TUBB8: variants seen among roughly 807,000 people sequenced by gnomAD.
The protein encoded by TUBB8 is tubulin beta 8 class VIII, also known as tubulin beta-8 chain.
TUBB8 carries 25 observed loss-of-function variants against 33.7 expected under a neutral mutation model. That is an observed-to-expected ratio of 0.74 (90% CI 0.54 to 1.04). The LOEUF (loss-of-function observed/expected upper bound fraction) is 1.04, where lower values mean the gene tolerates loss of function less well. Among genes scored for constraint, TUBB8 ranks in the 50% least tolerant of loss-of-function variants. The pLI, the probability that TUBB8 is intolerant of heterozygous loss-of-function variation, is 0.00. For missense variants in TUBB8, 279 were observed against 608.0 expected (o/e 0.46, Z 5.69); for synonymous variants, 245 against 240.1 (o/e 1.02, Z -0.19).
intron 1 of TUBB8, among the ~76,000 whole-genome samples, chr10:62,165 C>T (rs1321545198): frequency 6.6e-6 from 1 of 152,076 alleles, no homozygotes; most frequent in Non-Finnish European, 1.5e-5. Flanking sequence ...GTCCTCTCAT[C>T]GTTCTTTTCT....
At chr10:57,509 A>C (rs1554740305) in intron 1 of TUBB8, among the ~76,000 whole-genome samples, 1 of 152,166 alleles carries the variant, frequency 6.6e-6, no homozygotes, top group Non-Finnish European at 1.5e-5. Flanking sequence ...CCAAGTCTCA[A>C]CTCTTGCATT....
chr10:65,398 A>G (rs1834657921), intron 1 of TUBB8, among the ~76,000 whole-genome samples: 1 of 152,258 alleles, frequency 6.6e-6, no homozygotes, highest in African/African-American at 2.4e-5. Context: ...ACAGAAAGGT[A>G]CAGATCAATG....
At chr10:49,303 G>A, upstream of TUBB8, 3 of 1,516,056 alleles carry the variant, frequency 2.0e-6, no homozygotes, top group Non-Finnish European at 1.8e-6. Context: ...CAGCGACCCA[G>A]CCCGCCCTCC....
chr10:62,928 T>G (rs1554741090), intron 1 of TUBB8, among the ~76,000 whole-genome samples: 1 of 152,220 alleles, frequency 6.6e-6, no homozygotes. Flanking sequence ...TTCTTTATCC[T>G]TAACCTTTGG....
Position 47,363 on chromosome 10 carries a change from G to C in TUBB8, c.1029C>G (p.Asp343Glu). 4.3e-6 allele frequency: 7 copies of C among 1,613,034 alleles called. No individual in the cohort carries two copies. Among genetic ancestry groups the C allele is most frequent in the Non-Finnish European group, 5.9e-6 (7 of 1,179,966 alleles). The change falls in exon 4 of 4, where the codon GAC becomes GAG. Residue 343 changes from aspartate to glutamate, a missense_variant. Physicochemically the swap from Asp to Glu is conservative, Grantham distance 45. This residue lies in a region of TUBB8 where 123 missense variants were observed against 228.9 expected (regional missense o/e 0.54). Coordinates refer to ENST00000568584, the MANE Select transcript of TUBB8 (RefSeq NM_177987.3). ...CTGTTTTTACGTTGTTGGGGAGCCA[G>C]TCAGCAAAGTAACTGCTGTTCTTAT... ...IQDKNSSYFA[D>E]WLPNNVKTAV...
upstream of TUBB8, among the ~76,000 whole-genome samples, chr10:75,587 G>A (rs1258455167): frequency 3.4e-5 from 5 of 147,458 alleles, no homozygotes; most frequent in Admixed American, 2.0e-4. Context: ...CCCGGGAGGC[G>A]GAGGTTGCAG....
intron 1 of TUBB8, among the ~76,000 whole-genome samples, chr10:62,380 A>G (rs1588278506): frequency 6.7e-6 from 1 of 149,336 alleles, no homozygotes; most frequent in South Asian, 2.1e-4. Context: ...AGCAACTAAT[A>G]AAAACTCTAC....
chr10:75,677 AAAG>A (rs1554743101), upstream of TUBB8, among the ~76,000 whole-genome samples: 2 of 151,590 alleles, frequency 1.3e-5, no homozygotes, highest in East Asian at 1.9e-4. Flanking sequence ...AAAAAGACAA[AAAG>A]AAGATGGCCG....
In TUBB8 at chr10:49,175, T is replaced by C. The variant is rs1554739031; in HGVS notation, c.57+7A>G. On this transcript the variant is annotated splice_region_variant and intron_variant, in intron 1 of 3. Coordinates refer to ENST00000568584, the MANE Select transcript of TUBB8 (RefSeq NM_177987.3). ...CGGGCTAGGCCCTCAGAGCCCCGGC[T>C]GCCAACCTTGGCGCCGATCTGATTC... 6.4e-7 allele frequency: 1 copy of C among 1,569,254 alleles called. No homozygotes were observed. Among genetic ancestry groups the C allele is most frequent in the Non-Finnish European group, 8.6e-7 (1 of 1,158,128 alleles).
At chr10:53,577 A>C (rs1834494242), upstream of TUBB8, among the ~76,000 whole-genome samples, 3 of 152,356 alleles carry the variant, frequency 2.0e-5, no homozygotes, top group African/African-American at 7.2e-5. Context: ...AAACAAATTT[A>C]GTAAGGCCAT....
chr10:71,375 G>A (rs1834734426), intron 1 of TUBB8, among the ~76,000 whole-genome samples: 1 of 152,108 alleles, frequency 6.6e-6, no homozygotes, highest in Non-Finnish European at 1.5e-5. Context: ...GCTCACACCT[G>A]TAATCCCCAG....
rs1554738072 is a variant in TUBB8 at position 47,413 on chromosome 10, C to T, written c.979G>A (p.Asp327Asn). Residue 327 changes from aspartate (D) to asparagine (N), a missense_variant, in exon 4 of 4, where the codon GAT becomes AAT. Coordinates refer to ENST00000568584, the MANE Select transcript of TUBB8 (RefSeq NM_177987.3). ...TCTTGAATGTTGAACATTTGTTCATCCACCTCCCTCATGGGCATGCGACCC... is the reference window on the plus strand; with the variant it reads ...TCTTGAATGTTGAACATTTGTTCATTCACCTCCCTCATGGGCATGCGACCC... ...FRGRMPMREVDEQMFNIQDKN... is the reference protein window; with the variant it reads ...FRGRMPMREVNEQMFNIQDKN... 1.2e-6 allele frequency: 2 copies of T among 1,612,454 alleles called. No individual in the cohort carries two copies.
At chr10:74,238 C>G (rs1834779367), upstream of TUBB8, 1 of 151,472 alleles carries the variant, frequency 6.6e-6, no homozygotes. Flanking sequence ...TCTGGGGAAT[C>G]TCTGGAAATC....
chr10:49,562 T>C, upstream of TUBB8: 1 of 570,364 alleles, frequency 1.8e-6, no homozygotes, highest in Non-Finnish European at 3.3e-6. Flanking sequence ...TTTCCTCCCA[T>C]GTGGGAGGGG....
At chr10:56,041 C>T (rs377437723) in intron 1 of TUBB8, among the ~76,000 whole-genome samples, 1 of 148,616 alleles carries the variant, frequency 6.7e-6, no homozygotes, top group East Asian at 1.9e-4. Context: ...TATTTTGATA[C>T]AGATGGCATG....
At chr10:65,650 G>A (rs1834661036) in intron 1 of TUBB8, among the ~76,000 whole-genome samples, 6 of 152,208 alleles carry the variant, frequency 3.9e-5, no homozygotes. Context: ...GCTTGAACCT[G>A]GGAGCCAGAG....
intron 3 of TUBB8, 26 bp downstream of exon 3, chr10:48,589 C>A: frequency 6.3e-7 from 1 of 1,592,134 alleles, no homozygotes. Context: ...TAAGGAGCCG[C>A]ACCCCAGTCC....
intron 1 of TUBB8, 93 bp downstream of exon 1, chr10:49,089 C>T (rs1371704063): frequency 5.0e-6 from 7 of 1,402,056 alleles, no homozygotes; most frequent in Non-Finnish European, 6.8e-6. Flanking sequence ...AGCCCAGGGG[C>T]CGCAATGCAT....
Position 47,816 on chromosome 10 carries a change from G to C in TUBB8, c.576C>G (p.Leu192=), listed in dbSNP as rs1299655891. ...PYNATLSVHQ[L]IENADETFCI... ...AAAAGGTCTCATCTGCGTTTTCTAT[G>C]AGCTGGTGGACTGAGAGGGTGGCGT... The change falls in exon 4 of 4, where the codon CTC becomes CTG. Residue 192 remains leucine (L), a synonymous_variant. Transcript: ENST00000568584. 6.2e-7 allele frequency: 1 copy of C among 1,614,246 alleles called. No homozygotes were observed. The highest frequency in any genetic ancestry group is 8.5e-7 in the Non-Finnish European group (1 of 1,180,048).
Sources: allele counts gnomAD v4.1 joint callset (sites outside exome capture counted in the v4.1 genomes callset), GRCh38; gene constraint gnomAD v4.1.1; regional missense constraint gnomAD v4.1.1; transcripts MANE v1.5; gene names NCBI Gene and HGNC (gene_info 2026-07-23, HGNC 2026-07-21).